The following ALK variants were observed in gnomAD, a reference collection of about 807,000 sequenced individuals.
ALK encodes ALK tyrosine kinase receptor.
In ALK, 74 loss-of-function variants were observed where a neutral mutation model predicts 163.1. The observed-to-expected ratio is 0.45, with a 90% CI of 0.38 to 0.55. The LOEUF (loss-of-function observed/expected upper bound fraction) is 0.55, where lower values mean the gene tolerates loss of function less well. ALK is among the 20% of genes least tolerant of loss of function. The pLI is 0.00. For synonymous variants in ALK, 960 were observed against 843.2 expected, an observed-to-expected ratio of 1.14 and a Z score of -2.40; for missense variants, 2,063 against 2,105.3, an observed-to-expected ratio of 0.98 and a Z score of 0.39.
chr2:29,193,844 G>T lies in ALK; in HGVS notation c.4243C>A (p.Pro1415Thr). Residue 1415 changes from proline (P) to threonine (T), a missense_variant, in exon 29 of 29, where the codon CCC (proline) becomes ACC (threonine). Physicochemically the swap from Pro to Thr is conservative, Grantham distance 38. Around this residue, in one of 5 missense-constraint regions of ALK, gnomAD observed 403 missense variants for 366.2 expected, o/e 1.10. Coordinates refer to ENST00000389048, the MANE Select transcript of ALK (RefSeq NM_004304.5). ...VEEEEKVPVR[P>T]KDPEGVPPLL... ...GGAGGAACCCCCTCAGGGTCCTTGG[G>T]CCTCACAGGCACTTTCTCTTCCTCT... The T allele has an allele frequency of 6.2e-7, 1 of 1,612,964 alleles. No individual in the cohort carries two copies. Among genetic ancestry groups the T allele is most frequent in the Non-Finnish European group, 8.5e-7 (1 of 1,179,554 alleles).
chr2:29,443,439 G>T (rs1340637840), intron 4 of ALK, among the ~76,000 whole-genome samples: 4 of 152,180 alleles, frequency 2.6e-5, no homozygotes, highest in South Asian at 4.1e-4. Context: ...CGTATGTAAG[G>T]CCAAATAAAC....
At chr2:29,249,841 C>T (rs532777518) in intron 12 of ALK, among the ~76,000 whole-genome samples, 4 of 152,254 alleles carry the variant, frequency 2.6e-5, no homozygotes, top group South Asian at 2.1e-4. Context: ...CGGTGTCTTC[C>T]GGGATATTTA....
rs1328491263 is a variant in ALK at position 29,881,327 on chromosome 2, C to T, written c.667+38666G>A. Among the ~76,000 whole-genome samples the T allele has an allele frequency of 3.3e-5, 5 of 152,190 alleles. No homozygotes were observed. The East Asian group carries it at 9.6e-4, about 29-fold the overall frequency. ...TTACTGGTATTGTTCTGCTAACTTG[C>T]TAAATAGCTATAATTAAAACCAGGC... On this transcript the variant is annotated intron_variant, in intron 1 of 28. Transcript: ENST00000389048.
intron 15 of ALK, among the ~76,000 whole-genome samples, chr2:29,231,124 G>T (rs570347294): frequency 6.6e-6 from 1 of 152,220 alleles, no homozygotes; most frequent in South Asian, 2.1e-4. Flanking sequence ...GGTCACCTGA[G>T]GTCAGGAGAT....
chr2:29,571,656 G>C (rs7587976), intron 3 of ALK, among the ~76,000 whole-genome samples: 4 of 96,220 alleles, frequency 4.2e-5, no homozygotes, highest in Admixed American at 1.2e-4. Context: ...TCATTTTGTC[G>C]CCCAGGCTAG....
chr2:29,793,195 C>T (rs1274185509), intron 1 of ALK, among the ~76,000 whole-genome samples: 1 of 152,166 alleles, frequency 6.6e-6, no homozygotes, highest in Non-Finnish European at 1.5e-5. Flanking sequence ...ACTTTCTTTG[C>T]TCATCCACAA....
chr2:29,225,483 C>T lies in ALK; in HGVS notation c.3150G>A (p.Leu1050=), dbSNP rs2148176356. 1 of 1,613,372 alleles carries T rather than the reference C, an allele frequency of 6.2e-7. No homozygotes were observed. The highest frequency in any genetic ancestry group is 8.5e-7 in the Non-Finnish European group (1 of 1,179,938). The change falls in exon 19 of 29, where the codon CTG becomes CTA. Residue 1050 remains leucine, a synonymous_variant. Transcript: ENST00000389048. The part of the protein sequence containing the change: ...VTSALVAALV[L]AFSGIMIVYR... The stretch of plus-strand genomic sequence containing the variant: ...CACCAATCATGATGCCGGAGAAAGC[C>T]AGGACCAGGGCGGCCACGAGGGCAG...
At chr2:29,305,193 A>G (rs986145905) in intron 8 of ALK, among the ~76,000 whole-genome samples, 1 of 152,280 alleles carries the variant, frequency 6.6e-6, no homozygotes, top group Admixed American at 6.5e-5. Context: ...GCCCACCATC[A>G]CCAAGGTGTA....
intron 4 of ALK, among the ~76,000 whole-genome samples, chr2:29,425,149 G>C (rs182777197): frequency 2.1e-4 from 32 of 152,238 alleles, no homozygotes; most frequent in African/African-American, 7.0e-4. Context: ...ATTGTCCCAA[G>C]GGAATATAGC....
At chr2:29,519,821 G>A (rs935185062) in intron 4 of ALK, among the ~76,000 whole-genome samples, 11 of 152,294 alleles carry the variant, frequency 7.2e-5, no homozygotes, top group Admixed American at 5.9e-4. Flanking sequence ...GCAGACTGCC[G>A]ATTAGAATTT....
At chr2:29,528,895 T>C (rs1452561661) in intron 4 of ALK, among the ~76,000 whole-genome samples, 2 of 152,198 alleles carry the variant, frequency 1.3e-5, no homozygotes, top group South Asian at 4.1e-4. Flanking sequence ...CTTGCTTCTC[T>C]GGTCATTCTG....
intron 4 of ALK, among the ~76,000 whole-genome samples, chr2:29,517,088 A>G (rs13400494): frequency 2.0e-5 from 3 of 152,194 alleles, no homozygotes; most frequent in African/African-American, 4.8e-5. Context: ...GGACCCCACA[A>G]TGAAAGTTCA....
intron 9 of ALK, among the ~76,000 whole-genome samples, chr2:29,278,438 G>T (rs1665600082): frequency 6.6e-6 from 1 of 151,960 alleles, no homozygotes; most frequent in Non-Finnish European, 1.5e-5. Flanking sequence ...AGGAGAGGAG[G>T]CAGAGGCAGG....
intron 4 of ALK, among the ~76,000 whole-genome samples, chr2:29,492,155 G>C (rs1351034279): frequency 6.6e-6 from 1 of 152,040 alleles, no homozygotes; most frequent in South Asian, 2.1e-4. Context: ...CAGTATTGTA[G>C]GGCCTGCTTT....
chr2:29,860,452 T>G (rs978713488), intron 1 of ALK, among the ~76,000 whole-genome samples: 17 of 149,958 alleles, frequency 1.1e-4, no homozygotes, highest in African/African-American at 4.2e-4. Context: ...CAATAGCAAT[T>G]ATCAAGATTT....
intron 1 of ALK, among the ~76,000 whole-genome samples, chr2:29,837,256 AAAG>A (rs1295729797): frequency 6.6e-6 from 1 of 152,180 alleles, no homozygotes; most frequent in Non-Finnish European, 1.5e-5. Flanking sequence ...TGACATCACA[AAAG>A]AAGGCCAAAA....
At chr2:29,616,098 C>T (rs6547962) in intron 3 of ALK, among the ~76,000 whole-genome samples, 97,508 of 152,150 alleles carry the variant, frequency 0.64, 32,219 homozygotes, top group East Asian at 0.73. Flanking sequence ...TACAGCGGAC[C>T]TCACGGAGTC....
At chr2:29,208,259 G>C (rs968379273) in intron 25 of ALK, among the ~76,000 whole-genome samples, 1 of 152,090 alleles carries the variant, frequency 6.6e-6, no homozygotes, top group Non-Finnish European at 1.5e-5. Flanking sequence ...GAGGAGAAAA[G>C]ACGCTCTCCC....
intron 3 of ALK, among the ~76,000 whole-genome samples, chr2:29,691,266 G>A (rs1007070311): frequency 6.6e-6 from 1 of 152,190 alleles, no homozygotes; most frequent in African/African-American, 2.4e-5. Flanking sequence ...CCTCATTTCC[G>A]TGACTGATCC....
Sources: gnomAD v4.1 joint callset for allele counts (sites outside exome capture counted in the v4.1 genomes callset) on GRCh38, gnomAD v4.1.1 for gene constraint, gnomAD v4.1.1 regional missense constraint, MANE v1.5 for transcripts, NCBI Gene and HGNC (gene_info 2026-07-23, HGNC 2026-07-21) for gene names.